The following AKAP6 variants were observed in gnomAD, a reference collection of about 807,000 sequenced individuals.
The protein encoded by AKAP6 is A-kinase anchoring protein 6.
AKAP6 carries 58 observed loss-of-function variants against 188.5 expected under a neutral mutation model. That is an observed-to-expected ratio of 0.31 (90% CI 0.25 to 0.38). The LOEUF is 0.38. Ranked by LOEUF, AKAP6 falls within the 10% of genes least tolerant of loss-of-function variation. The pLI is 1.00. For synonymous variants in AKAP6, 989 were observed against 998.6 expected, an observed-to-expected ratio of 0.99 and a Z score of 0.18; for missense variants, 2,710 against 2,740.0, an observed-to-expected ratio of 0.99 and a Z score of 0.24.
chr14:32,362,480 T>A (rs1051590783), intron 1 of AKAP6, among the ~76,000 whole-genome samples: 1 of 152,208 alleles, frequency 6.6e-6, no homozygotes, highest in African/African-American at 2.4e-5. Flanking sequence ...GCTGGACTCT[T>A]ATCCCAAATA....
intron 2 of AKAP6, among the ~76,000 whole-genome samples, chr14:32,531,470 A>T (rs1476374272): frequency 6.6e-6 from 1 of 152,226 alleles, no homozygotes; most frequent in Admixed American, 6.5e-5. Flanking sequence ...TATTTTACTG[A>T]GACTATAAAC....
At chr14:32,515,296 C>T (rs4981979) in intron 2 of AKAP6, among the ~76,000 whole-genome samples, 105,717 of 151,964 alleles carry the variant, frequency 0.7, 37,362 homozygotes, top group African/African-American at 0.8. Flanking sequence ...GATCTCCACC[C>T]GGCCCCACCT....
chr14:32,652,685 C>G (rs899365878), intron 7 of AKAP6, among the ~76,000 whole-genome samples: 1 of 152,198 alleles, frequency 6.6e-6, no homozygotes, highest in Non-Finnish European at 1.5e-5. Flanking sequence ...CTACTGCTAT[C>G]CCCTAGGCTT....
At chr14:32,548,407 A>ATTT (rs151264438) in intron 4 of AKAP6, among the ~76,000 whole-genome samples, 35 of 145,428 alleles carry the variant, frequency 2.4e-4, no homozygotes, top group Admixed American at 1.4e-3. Flanking sequence ...TGGCCCATAC[A>ATTT]TTTTTTTTTT....
At chr14:32,719,635 A>G (rs868263686) in intron 9 of AKAP6, among the ~76,000 whole-genome samples, 1 of 152,156 alleles carries the variant, frequency 6.6e-6, no homozygotes. Flanking sequence ...CATCTTGGCA[A>G]CTGCTTTGGT....
chr14:32,668,794 T>A (rs1889056613), intron 7 of AKAP6, among the ~76,000 whole-genome samples: 1 of 152,046 alleles, frequency 6.6e-6, no homozygotes, highest in African/African-American at 2.4e-5. Flanking sequence ...ATAATAGTTT[T>A]ATGATCAGTT....
chr14:32,651,856 A>G (rs1200667552), intron 7 of AKAP6, among the ~76,000 whole-genome samples: 1 of 152,156 alleles, frequency 6.6e-6, no homozygotes, highest in East Asian at 1.9e-4. Context: ...TGTTGAGATT[A>G]TTAACAATAA....
At chr14:32,623,404 C>T (rs1886891229) in intron 7 of AKAP6, among the ~76,000 whole-genome samples, 1 of 152,098 alleles carries the variant, frequency 6.6e-6, no homozygotes, top group Non-Finnish European at 1.5e-5. Context: ...TGACAATTGG[C>T]TGGTGACTTA....
At chr14:32,643,876 A>C (rs1887870345) in intron 7 of AKAP6, among the ~76,000 whole-genome samples, 1 of 152,190 alleles carries the variant, frequency 6.6e-6, no homozygotes, top group Non-Finnish European at 1.5e-5. Flanking sequence ...TTAAAAATGC[A>C]TAGTTCTTCA....
intron 11 of AKAP6, among the ~76,000 whole-genome samples, chr14:32,738,495 A>G (rs570149296): frequency 1.3e-5 from 2 of 152,280 alleles, no homozygotes; most frequent in African/African-American, 4.8e-5. Flanking sequence ...TGCTTTAATA[A>G]TTTAAATTTG....
chr14:32,510,412 A>ACATATATATATG (rs1881144979), intron 2 of AKAP6, among the ~76,000 whole-genome samples: 1 of 92,108 alleles, frequency 1.1e-5, no homozygotes, highest in Non-Finnish European at 2.1e-5. Flanking sequence ...ATGTATATAT[A>ACATATATATATG]TGTATATATA....
chr14:32,389,504 T>C (rs1166807034), intron 1 of AKAP6, among the ~76,000 whole-genome samples: 1 of 152,164 alleles, frequency 6.6e-6, no homozygotes, highest in Admixed American at 6.5e-5. Context: ...TTTCAAGATT[T>C]GGAGCTCCTT....
chr14:32,763,141 G>A (rs1046534998), intron 11 of AKAP6, among the ~76,000 whole-genome samples: 1 of 152,024 alleles, frequency 6.6e-6, no homozygotes, highest in Admixed American at 6.6e-5. Context: ...AACTCAGGAA[G>A]CTTTAATGCT....
chr14:32,551,231 G>C (rs923093710), intron 4 of AKAP6, among the ~76,000 whole-genome samples: 5 of 152,190 alleles, frequency 3.3e-5, no homozygotes, highest in Admixed American at 2.6e-4. Context: ...CCAAGTCTCA[G>C]CTAAAATATT....
chr14:32,408,497 T>TTA (rs1889370275), intron 1 of AKAP6, among the ~76,000 whole-genome samples: 1 of 148,134 alleles, frequency 6.8e-6, no homozygotes, highest in Non-Finnish European at 1.5e-5. Flanking sequence ...TACTGGGAGC[T>TTA]TATATATAAT....
intron 4 of AKAP6, among the ~76,000 whole-genome samples, chr14:32,548,959 C>T (rs1385960553): frequency 1.3e-5 from 2 of 152,178 alleles, no homozygotes; most frequent in Non-Finnish European, 2.9e-5. Flanking sequence ...CTGAGACCAG[C>T]ATTGTGCTAG....
intron 2 of AKAP6, among the ~76,000 whole-genome samples, chr14:32,438,374 C>G (rs952981895): frequency 6.6e-6 from 1 of 152,156 alleles, no homozygotes; most frequent in African/African-American, 2.4e-5. Context: ...CTCAGGTCTT[C>G]TAAACCCAGA....
chr14:32,810,608 T>C (rs1442328779), intron 12 of AKAP6, among the ~76,000 whole-genome samples: 1 of 152,176 alleles, frequency 6.6e-6, no homozygotes, highest in Non-Finnish European at 1.5e-5. Flanking sequence ...GTGTATTGCC[T>C]TCTAGGAAAA....
At chr14:32,391,287 G>C (rs374162419) in intron 1 of AKAP6, among the ~76,000 whole-genome samples, 2 of 152,126 alleles carry the variant, frequency 1.3e-5, no homozygotes, top group Non-Finnish European at 2.9e-5. Context: ...GTGTCTCTGC[G>C]CTTGTCTTAT....
Sources: allele counts gnomAD v4.1 joint callset (sites outside exome capture counted in the v4.1 genomes callset), GRCh38; gene constraint gnomAD v4.1.1; transcripts MANE v1.5; gene names NCBI Gene and HGNC (gene_info 2026-07-23, HGNC 2026-07-21).